The following SAMD12 variants were observed in gnomAD, a reference collection of about 807,000 sequenced individuals.
The protein encoded by SAMD12 is sterile alpha motif domain-containing protein 12.
In SAMD12, 9 loss-of-function variants were observed where a neutral mutation model predicts 15.0. That is an observed-to-expected ratio of 0.60 (90% CI 0.36 to 1.05). The LOEUF (loss-of-function observed/expected upper bound fraction) is 1.05, where lower values mean the gene tolerates loss of function less well. Ranked by LOEUF, SAMD12 falls within the 50% of genes least tolerant of loss-of-function variation. The probability of loss-of-function intolerance (pLI) is 0.01; values close to 1 mark genes in which losing one functional copy is unlikely to be tolerated. For missense variants in SAMD12, 230 were observed against 234.2 expected, an observed-to-expected ratio of 0.98 and a Z score of 0.12; for synonymous variants, 86 against 90.1, an observed-to-expected ratio of 0.96 and a Z score of 0.25.
the SAMD12 span, among the ~76,000 whole-genome samples, chr8:118,164,762 TG>T: frequency 2.0e-5 from 3 of 151,870 alleles, no homozygotes; most frequent in East Asian, 3.9e-4. Context: ...AAATAATGTC[TG>T]TTTTTTTGTT....
chr8:118,514,938 G>T (rs112823202), intron 2 of SAMD12, among the ~76,000 whole-genome samples: 1 of 152,164 alleles, frequency 6.6e-6, no homozygotes, highest in African/African-American at 2.4e-5. Flanking sequence ...TGGATCATGC[G>T]AACAAACTTC....
intron 2 of SAMD12, among the ~76,000 whole-genome samples, chr8:118,499,520 C>T (rs550015471): frequency 3.9e-5 from 6 of 152,312 alleles, no homozygotes; most frequent in Non-Finnish European, 8.8e-5. Flanking sequence ...TAATACCTCT[C>T]CTGCCTATCT....
At chr8:118,603,087 A>C (rs1278045426) in intron 1 of SAMD12, among the ~76,000 whole-genome samples, 2 of 152,136 alleles carry the variant, frequency 1.3e-5, no homozygotes, top group South Asian at 2.1e-4. Flanking sequence ...AAATATATCC[A>C]CAAATAAAAA....
At chr8:118,568,938 A>T (rs1024252072) in intron 2 of SAMD12, among the ~76,000 whole-genome samples, 4 of 148,966 alleles carry the variant, frequency 2.7e-5, no homozygotes, top group Non-Finnish European at 5.9e-5. Context: ...TGCCAATTTT[A>T]AAAAATTCTG....
chr8:118,302,809 A>T (rs1472427792), intron 4 of SAMD12, among the ~76,000 whole-genome samples: 1 of 152,218 alleles, frequency 6.6e-6, no homozygotes, highest in Non-Finnish European at 1.5e-5. Context: ...TCCAGAGAGA[A>T]GTCCAAGAAA....
At chr8:118,268,104 G>T (rs1333904898) in intron 4 of SAMD12, among the ~76,000 whole-genome samples, 1 of 151,820 alleles carries the variant, frequency 6.6e-6, no homozygotes, top group Non-Finnish European at 1.5e-5. Flanking sequence ...ACAAAAAAAA[G>T]AAAGAAAGAA....
intron 2 of SAMD12, among the ~76,000 whole-genome samples, chr8:118,516,410 A>C (rs1052407342): frequency 3.9e-5 from 6 of 152,228 alleles, no homozygotes; most frequent in Admixed American, 6.5e-5. Context: ...TACAATGTTC[A>C]TATGAAATGG....
chr8:118,600,862 C>G (rs959770649), intron 1 of SAMD12, among the ~76,000 whole-genome samples: 1 of 151,956 alleles, frequency 6.6e-6, no homozygotes, highest in Non-Finnish European at 1.5e-5. Context: ...GGATTATTCA[C>G]TTTTCTAATC....
chr8:118,420,931 A>C lies in SAMD12; in HGVS notation c.322+18901T>G, dbSNP rs114977977. ...TGTAAATAAAGTTTCATTGGAATAC[A>C]ACCACTTCTTTCATTTATATACTAC... On this transcript the variant is annotated intron_variant, in intron 3 of 3. Coordinates refer to ENST00000314727, the MANE Select transcript of SAMD12 (RefSeq NM_207506.3). 7.9e-3 allele frequency among the ~76,000 whole-genome samples: 1,209 copies of C among 152,340 alleles called. 26 individuals are homozygous for C. Among genetic ancestry groups the C allele is most frequent in the African/African-American group, 0.026 (1,098 of 41,574 alleles).
intron 2 of SAMD12, among the ~76,000 whole-genome samples, chr8:118,558,127 G>A (rs570903626): frequency 2.4e-4 from 36 of 152,068 alleles, no homozygotes; most frequent in African/African-American, 6.7e-4. Flanking sequence ...GTATATCTAC[G>A]CAAGTGGGAT....
At chr8:118,284,003 AC>A (rs1813796085) in intron 4 of SAMD12, among the ~76,000 whole-genome samples, 3 of 152,240 alleles carry the variant, frequency 2.0e-5, no homozygotes, top group African/African-American at 7.2e-5. Context: ...AGGTGTGTGG[AC>A]TCATTTTCAA....
At chr8:118,553,455 G>C (rs1826414119) in intron 2 of SAMD12, among the ~76,000 whole-genome samples, 1 of 152,156 alleles carries the variant, frequency 6.6e-6, no homozygotes, top group African/African-American at 2.4e-5. Flanking sequence ...TTAATAAATG[G>C]TGCTGGGAAA....
chr8:118,152,869 T>C, the SAMD12 span, among the ~76,000 whole-genome samples: 1 of 152,216 alleles, frequency 6.6e-6, no homozygotes, highest in Non-Finnish European at 1.5e-5. Flanking sequence ...TTGTTCCCAG[T>C]GCTTTATGCG....
chr8:118,139,351 T>C, the SAMD12 span, among the ~76,000 whole-genome samples: 1 of 152,192 alleles, frequency 6.6e-6, no homozygotes, highest in African/African-American at 2.4e-5. Flanking sequence ...TTCTATTCTT[T>C]ATTTGTTTAG....
chr8:118,449,533 C>G (rs1031513172), intron 2 of SAMD12, among the ~76,000 whole-genome samples: 5 of 150,866 alleles, frequency 3.3e-5, no homozygotes, highest in African/African-American at 1.2e-4. Flanking sequence ...GAAAATAGGC[C>G]GGGCGTGGTG....
the SAMD12 span, among the ~76,000 whole-genome samples, chr8:118,149,815 A>G: frequency 6.6e-6 from 1 of 152,112 alleles, no homozygotes; most frequent in South Asian, 2.1e-4. Context: ...TTTTTCCAGC[A>G]TTGTTTGTTA....
chr8:118,597,361 C>T (rs371739306), intron 1 of SAMD12, among the ~76,000 whole-genome samples: 31 of 152,336 alleles, frequency 2.0e-4, no homozygotes, highest in African/African-American at 7.5e-4. Flanking sequence ...GACTCCCCCT[C>T]ACCCCCATGG....
intron 3 of SAMD12, among the ~76,000 whole-genome samples, chr8:118,404,120 C>T (rs574421654): frequency 2.6e-5 from 4 of 152,260 alleles, no homozygotes; most frequent in Admixed American, 6.5e-5. Flanking sequence ...GTAGCTGGGA[C>T]TATGGGCATG....
At chr8:118,385,109 G>C (rs2450208) in intron 3 of SAMD12, among the ~76,000 whole-genome samples, 17,758 of 152,142 alleles carry the variant, frequency 0.12, 1,435 homozygotes, top group East Asian at 0.23. Context: ...CACTAGAATG[G>C]CAGTAATACA....
Sources: allele counts gnomAD v4.1 joint callset (sites outside exome capture counted in the v4.1 genomes callset), GRCh38; gene constraint gnomAD v4.1.1; transcripts MANE v1.5; gene names NCBI Gene and HGNC (gene_info 2026-07-23, HGNC 2026-07-21).